Variants in PCBP3 observed in about 807,000 individuals in gnomAD.
PCBP3 encodes the protein poly(rC) binding protein 3, also known as poly(rC)-binding protein 3.
In PCBP3, 25 loss-of-function variants were observed where a neutral mutation model predicts 52.7. The ratio of observed to expected loss-of-function variants is 0.47; its 90% CI spans 0.35 to 0.66. The LOEUF is 0.66. Ranked by LOEUF, PCBP3 falls within the 30% of genes least tolerant of loss-of-function variation. PCBP3 has a pLI of 0.01. For synonymous variants in PCBP3, 162 were observed against 183.0 expected (o/e 0.89, Z 0.93); for missense variants, 391 against 490.3 (o/e 0.80, Z 1.91).
intron 4 of PCBP3, among the ~76,000 whole-genome samples, chr21:45,823,321 C>T (rs1473514321): frequency 6.6e-6 from 1 of 152,170 alleles, no homozygotes; most frequent in Non-Finnish European, 1.5e-5. Flanking sequence ...TTTCAGAAAA[C>T]GTCGGCCTTA....
chr21:45,782,788 C>A (rs989019174), intron 4 of PCBP3, among the ~76,000 whole-genome samples: 1 of 152,240 alleles, frequency 6.6e-6, no homozygotes, highest in Non-Finnish European at 1.5e-5. Context: ...CAAAAAAAAT[C>A]TTAAAAGCAA....
rs1301981224 is a variant in PCBP3, at chr21:45,853,359, G to A, written c.10+3264G>A. On this transcript the variant is annotated intron_variant, in intron 5 of 17. Coordinates refer to ENST00000681687, the MANE Select transcript of PCBP3 (RefSeq NM_001384156.1). The surrounding 1 kb of genome is among the most constrained non-coding windows in gnomAD (Gnocchi z 4.6). ...CCTTAAAGGCAGGGCTGGCGTTACT[G>A]GTGGAGGGTGTCCAGGTTCTTGGCG... 6.6e-6 allele frequency among the ~76,000 whole-genome samples: 1 copy of A among 152,222 alleles called. No homozygotes were observed. Among genetic ancestry groups the A allele is most frequent in the Non-Finnish European group, 1.5e-5 (1 of 68,038 alleles).
chr21:45,932,207 G>A (rs894060292), intron 15 of PCBP3, among the ~76,000 whole-genome samples: 13 of 151,624 alleles, frequency 8.6e-5, no homozygotes, highest in African/African-American at 2.9e-4. Flanking sequence ...GAACACATCG[G>A]CCATGCTGTC....
chr21:45,650,904 CT>C (rs1255193209), intron 1 of PCBP3, among the ~76,000 whole-genome samples: 4 of 152,154 alleles, frequency 2.6e-5, no homozygotes, highest in Non-Finnish European at 5.9e-5. Flanking sequence ...CTGGCCATAC[CT>C]AATTTCAGAT....
chr21:45,876,465 A>T (rs2095259533), intron 5 of PCBP3, among the ~76,000 whole-genome samples: 1 of 152,118 alleles, frequency 6.6e-6, no homozygotes, highest in Non-Finnish European at 1.5e-5. Flanking sequence ...ACTGTTCCCC[A>T]CTGGCACCTT....
chr21:45,861,411 G>A (rs1385514111), intron 5 of PCBP3, among the ~76,000 whole-genome samples: 2 of 152,118 alleles, frequency 1.3e-5, no homozygotes, highest in Admixed American at 1.3e-4. Flanking sequence ...GCCCCAGCCA[G>A]CTGGGGCAAC....
At position 45,896,330 on chromosome 21, in the gene PCBP3, A is replaced by T. The variant is rs539829872; in HGVS notation, c.133A>T (p.Thr45Ser). 6.4e-7 allele frequency: 1 copy of T among 1,551,920 alleles called. No individual in the cohort carries two copies. The highest frequency in any genetic ancestry group is 2.0e-5 in the Admixed American group (1 of 51,040). ...GGTCTCAGAAGGTGGCCTGAATGTG[A>T]CCCTCACCATCCGCCTGCTGATGCA... ...SKVSEGGLNV[T>S]LTIRLLMHGK... Residue 45 changes from threonine (T) to serine (S), a missense_variant, in exon 6 of 18, where the codon ACC (threonine) becomes TCC (serine). Transcript: ENST00000681687.
At chr21:45,932,138 C>A (rs947269632) in intron 15 of PCBP3, among the ~76,000 whole-genome samples, 1 of 151,438 alleles carries the variant, frequency 6.6e-6, no homozygotes, top group African/African-American at 2.4e-5. Flanking sequence ...TGGATGAACA[C>A]CTAGTCCATG....
intron 5 of PCBP3, among the ~76,000 whole-genome samples, chr21:45,868,781 G>A (rs940330369): frequency 6.6e-6 from 1 of 152,236 alleles, no homozygotes; most frequent in Non-Finnish European, 1.5e-5. Flanking sequence ...CGGGGTGGCC[G>A]AGACAGGGAA....
In PCBP3 at chr21:45,909,505, C is replaced by T. The variant is rs201370119; in HGVS notation, c.471+19C>T. On this transcript the variant is annotated intron_variant, in intron 10 of 17. Transcript: ENST00000681687. ...CAGGGAGGTAACAGGACCTTCCCAGCCTGGGCCGCTGCGGAGCCTCTAGGC... is the reference window on the plus strand; with the variant it reads ...CAGGGAGGTAACAGGACCTTCCCAGTCTGGGCCGCTGCGGAGCCTCTAGGC... The T allele has an allele frequency of 6.6e-5, 107 of 1,609,972 alleles. 1 individual carries two copies. In the Middle Eastern group the frequency reaches 8.3e-4, roughly 12 times the overall value.
rs73384406 is a variant in PCBP3, at chr21:45,913,676, G to A, written c.601-275G>A. ...CCTCCCAGGGATGTTCGGGGCAGGC[G>A]GTACTCTCAGGAGGCCGGTGTGTGG... On this transcript the variant is annotated intron_variant, in intron 11 of 17. Transcript: ENST00000681687. 5.0e-3 allele frequency among the ~76,000 whole-genome samples: 767 copies of A among 152,302 alleles called. 7 individuals are homozygous for A. The highest frequency in any genetic ancestry group is 0.017 in the African/African-American group (690 of 41,558).
At chr21:45,695,742 C>T (rs2082728302) in intron 2 of PCBP3, among the ~76,000 whole-genome samples, 1 of 152,076 alleles carries the variant, frequency 6.6e-6, no homozygotes, top group African/African-American at 2.4e-5. Context: ...CATAAGGCCA[C>T]TTGATTTTTA....
At chr21:45,729,432 C>T (rs2085294852) in intron 2 of PCBP3, among the ~76,000 whole-genome samples, 1 of 152,078 alleles carries the variant, frequency 6.6e-6, no homozygotes, top group Admixed American at 6.6e-5. Context: ...AGTTGCTGTC[C>T]TATGGTGATT....
chr21:45,648,282 CA>C (rs113958660), intron 1 of PCBP3, among the ~76,000 whole-genome samples: 4,061 of 152,240 alleles, frequency 0.027, 196 homozygotes, highest in African/African-American at 0.093. Context: ...TCTTAGCTGA[CA>C]AAATTAAGGA....
chr21:45,863,374 G>A (rs1405724059), intron 5 of PCBP3, among the ~76,000 whole-genome samples: 1 of 152,228 alleles, frequency 6.6e-6, no homozygotes, highest in Non-Finnish European at 1.5e-5. Context: ...GATTAATGCT[G>A]GGTCCTGGGG....
At chr21:45,767,758 A>G (rs2089486272) in intron 4 of PCBP3, among the ~76,000 whole-genome samples, 1 of 152,258 alleles carries the variant, frequency 6.6e-6, no homozygotes, top group African/African-American at 2.4e-5. Flanking sequence ...TCGGGAGGCC[A>G]TGGCAGGGTC....
At chr21:45,771,756 C>G (rs58544516) in intron 4 of PCBP3, among the ~76,000 whole-genome samples, 3,397 of 152,178 alleles carry the variant, frequency 0.022, 122 homozygotes, top group East Asian at 0.12. Flanking sequence ...GAGGTTCTAG[C>G]AAGTTCAATA....
chr21:45,912,235 A>C (rs2096411053), intron 11 of PCBP3, among the ~76,000 whole-genome samples: 1 of 152,192 alleles, frequency 6.6e-6, no homozygotes, highest in African/African-American at 2.4e-5. Context: ...GGGAGGTTTG[A>C]GCAAGACAGG....
intron 2 of PCBP3, among the ~76,000 whole-genome samples, chr21:45,712,194 A>C (rs1332684090): frequency 6.6e-6 from 1 of 152,248 alleles, no homozygotes; most frequent in African/African-American, 2.4e-5. Context: ...GGTTATGAAT[A>C]AAGCTGCTAT....
Sources: allele counts gnomAD v4.1 joint callset (sites outside exome capture counted in the v4.1 genomes callset), GRCh38; gene constraint gnomAD v4.1.1; non-coding constraint Gnocchi (gnomAD v3.1); transcripts MANE v1.5; gene names NCBI Gene and HGNC (gene_info 2026-07-23, HGNC 2026-07-21).